UGT2B15: variants seen among roughly 807,000 people sequenced by gnomAD.
UGT2B15 encodes UDP-glucuronosyltransferase 2B15.
In UGT2B15, 36 loss-of-function variants were observed where a neutral mutation model predicts 45.9. The ratio of observed to expected loss-of-function variants is 0.78; its 90% CI spans 0.60 to 1.04. The LOEUF (loss-of-function observed/expected upper bound fraction) is 1.04. Ranked by LOEUF, UGT2B15 falls within the 50% of genes least tolerant of loss-of-function variation. UGT2B15 has a pLI of 0.00. For missense variants in UGT2B15, 617 were observed against 622.4 expected (o/e 0.99, Z 0.09); for synonymous variants, 219 against 216.4 (o/e 1.01, Z -0.11).
intron 5 of UGT2B15, 21 bp downstream of exon 5, chr4:68,654,016 T>C (rs773600915): frequency 6.2e-7 from 1 of 1,605,184 alleles, no homozygotes; most frequent in Non-Finnish European, 8.5e-7. Flanking sequence ...TACCACCTGG[T>C]CACAAAACTG....
At chr4:68,647,454 G>A (rs1732516356) in intron 5 of UGT2B15, 71 bp from the exon 6 acceptor site, 3 of 1,477,284 alleles carry the variant, frequency 2.0e-6, no homozygotes, top group African/African-American at 2.8e-5. Context: ...GTCTATGGAT[G>A]GTCTTTGAAA....
At chr4:68,661,972 A>G (rs4148263) in intron 3 of UGT2B15, among the ~76,000 whole-genome samples, 28,023 of 151,998 alleles carry the variant, frequency 0.18, 3,246 homozygotes, top group East Asian at 0.28. Flanking sequence ...TACCATGTCT[A>G]GTACCAAACT....
intron 3 of UGT2B15, among the ~76,000 whole-genome samples, chr4:68,659,840 A>G (rs910531183): frequency 1.3e-5 from 2 of 152,048 alleles, no homozygotes; most frequent in Non-Finnish European, 2.9e-5. Flanking sequence ...AGTATCAAGC[A>G]GAACAGGAAT....
In UGT2B15 at chr4:68,669,966, A is replaced by G; in HGVS notation, c.653T>C (p.Met218Thr). The part of the protein sequence containing the change: ...FMERIKNMIH[M>T]LYFDFWFQIY... Reference sequence around the variant, plus strand: ...TTGAAACCAAAAGTCAAAATAAAGCATATGTATCATATTTTTTATCCTCTC... The same window carrying G: ...TTGAAACCAAAAGTCAAAATAAAGCGTATGTATCATATTTTTTATCCTCTC... Residue 218 changes from methionine to threonine, a missense_variant, in exon 1 of 6, where the codon ATG (methionine) becomes ACG (threonine). Around this residue, in one of 3 missense-constraint regions of UGT2B15, gnomAD observed 351 missense variants for 342.1 expected, o/e 1.03. Coordinates refer to ENST00000338206, the MANE Select transcript of UGT2B15 (RefSeq NM_001076.4). The G allele has an allele frequency of 1.2e-6, 2 of 1,613,834 alleles. No homozygotes were observed. The highest frequency in any genetic ancestry group is 1.7e-6 in the Non-Finnish European group (2 of 1,179,940).
chr4:68,669,104 A>G (rs2109837439), intron 1 of UGT2B15, among the ~76,000 whole-genome samples: 1 of 151,828 alleles, frequency 6.6e-6, no homozygotes, highest in South Asian at 2.1e-4. Flanking sequence ...TACACCTACT[A>G]CTGTCTTGGT....
At position 68,664,034 on chromosome 4, in the gene UGT2B15, C is replaced by T. The variant is rs531142397; in HGVS notation, c.874-895G>A. 1.1e-3 allele frequency among the ~76,000 whole-genome samples: 168 copies of T among 152,166 alleles called. 1 individual carries two copies. Among genetic ancestry groups the T allele is most frequent in the Non-Finnish European group, 7.2e-4 (49 of 67,992 alleles). On this transcript the variant is annotated intron_variant, in intron 2 of 5. Coordinates refer to ENST00000338206, the MANE Select transcript of UGT2B15 (RefSeq NM_001076.4). ...GTGGGGGACCCTCATCATCACTTTG[C>T]TGTGTCTCACAGGGGGCACTTGAAC...
At chr4:68,657,789 A>G (rs1180520512) in intron 3 of UGT2B15, among the ~76,000 whole-genome samples, 5 of 152,078 alleles carry the variant, frequency 3.3e-5, no homozygotes, top group Non-Finnish European at 7.4e-5. Context: ...TATGGATTCA[A>G]CAGGTTTTTG....
At chr4:68,659,474 C>G (rs1377908480) in intron 3 of UGT2B15, among the ~76,000 whole-genome samples, 1 of 151,768 alleles carries the variant, frequency 6.6e-6, no homozygotes, top group Non-Finnish European at 1.5e-5. Context: ...TCTTTTTGAG[C>G]TGTATTTATA....
chr4:68,666,449 CTGTG>C (rs1733121851), intron 2 of UGT2B15, among the ~76,000 whole-genome samples: 1 of 152,016 alleles, frequency 6.6e-6, no homozygotes, highest in Non-Finnish European at 1.5e-5. Flanking sequence ...GGATCACTGG[CTGTG>C]TGTCAGAGAC....
Position 68,647,037 on chromosome 4 carries a change from A to G in UGT2B15, c.*67T>C, listed in dbSNP as rs1732494396. Reference sequence around the variant, plus strand: ...GGAAAAAGGAAATCCTCCATTTAAAACCCTCCATGCTGAAATAAAGGAGGA... The same window carrying G: ...GGAAAAAGGAAATCCTCCATTTAAAGCCCTCCATGCTGAAATAAAGGAGGA... On this transcript the variant is annotated 3_prime_UTR_variant, in exon 6 of 6. Coordinates refer to ENST00000338206, the MANE Select transcript of UGT2B15 (RefSeq NM_001076.4). 3 of 1,535,108 alleles carry G rather than the reference A, an allele frequency of 2.0e-6. No individual in the cohort carries two copies. The highest frequency in any genetic ancestry group is 8.8e-7 in the Non-Finnish European group (1 of 1,141,970).
chr4:68,656,673 C>T (rs1394277036), intron 3 of UGT2B15, among the ~76,000 whole-genome samples: 1 of 152,110 alleles, frequency 6.6e-6, no homozygotes, highest in African/African-American at 2.4e-5. Flanking sequence ...TTGCCATTTG[C>T]AGTATGAAAA....
At chr4:68,665,644 G>C (rs554617059) in intron 2 of UGT2B15, among the ~76,000 whole-genome samples, 20 of 152,206 alleles carry the variant, frequency 1.3e-4, no homozygotes, top group Admixed American at 9.8e-4. Flanking sequence ...AACATTATCT[G>C]AGAATCTAAT....
At chr4:68,656,012 A>G (rs1732794680) in intron 3 of UGT2B15, among the ~76,000 whole-genome samples, 1 of 152,072 alleles carries the variant, frequency 6.6e-6, no homozygotes, top group African/African-American at 2.4e-5. Flanking sequence ...AACAAAGAAG[A>G]CAATTGGCTG....
chr4:68,655,277 C>T (rs1266528312), intron 3 of UGT2B15, 95 bp from the exon 4 acceptor site: 5 of 1,429,096 alleles, frequency 3.5e-6, no homozygotes, highest in African/African-American at 1.4e-5. Context: ...GTTAGTTAAT[C>T]CATATAAAAG....
At chr4:68,652,536 T>C (rs1732687187) in intron 5 of UGT2B15, among the ~76,000 whole-genome samples, 1 of 151,784 alleles carries the variant, frequency 6.6e-6, no homozygotes, top group Admixed American at 6.6e-5. Context: ...TGTATTCCCT[T>C]AGCTGGTACC....
chr4:68,651,284 G>C (rs1732647698), intron 5 of UGT2B15, among the ~76,000 whole-genome samples: 1 of 151,910 alleles, frequency 6.6e-6, no homozygotes, highest in Non-Finnish European at 1.5e-5. Flanking sequence ...TATGGTTTTG[G>C]GTTTTACATT....
At chr4:68,650,817 T>A (rs1272370959) in intron 5 of UGT2B15, among the ~76,000 whole-genome samples, 1 of 151,972 alleles carries the variant, frequency 6.6e-6, no homozygotes, top group Non-Finnish European at 1.5e-5. Context: ...TCTGTTGTTT[T>A]TTGACTTTTT....
intron 3 of UGT2B15, among the ~76,000 whole-genome samples, chr4:68,658,362 C>A (rs1440268553): frequency 6.6e-6 from 1 of 151,894 alleles, no homozygotes; most frequent in Non-Finnish European, 1.5e-5. Context: ...TCAATAAAAT[C>A]TTTTATAAAT....
chr4:68,648,352 C>A (rs1466236259), intron 5 of UGT2B15, among the ~76,000 whole-genome samples: 1 of 151,920 alleles, frequency 6.6e-6, no homozygotes, highest in Admixed American at 6.6e-5. Flanking sequence ...CTCACCTTAG[C>A]CCCTTTACAC....
Sources: allele counts gnomAD v4.1 joint callset (sites outside exome capture counted in the v4.1 genomes callset), GRCh38; gene constraint gnomAD v4.1.1; regional missense constraint gnomAD v4.1.1; transcripts MANE v1.5; gene names NCBI Gene and HGNC (gene_info 2026-07-23, HGNC 2026-07-21).